Variants in SLC4A4 observed in about 807,000 individuals in gnomAD.
The protein encoded by SLC4A4 is solute carrier family 4 member 4.
A neutral mutation model predicts 111.5 loss-of-function variants in SLC4A4; 27 were observed. The ratio of observed to expected loss-of-function variants is 0.24; its 90% CI spans 0.18 to 0.33. The LOEUF (loss-of-function observed/expected upper bound fraction) is 0.33, where lower values mean the gene tolerates loss of function less well. Ranked by LOEUF, SLC4A4 falls within the 10% of genes least tolerant of loss-of-function variation. SLC4A4 has a pLI of 1.00. For synonymous variants in SLC4A4, 443 were observed against 463.4 expected (o/e 0.96, Z 0.57); for missense variants, 909 against 1,315.5 (o/e 0.69, Z 4.78).
intron 11 of SLC4A4, among the ~76,000 whole-genome samples, chr4:71,452,345 A>G (rs532566296): frequency 1.3e-5 from 2 of 152,104 alleles, no homozygotes; most frequent in Non-Finnish European, 2.9e-5. Context: ...TTTTTTACAG[A>G]CATGAGTTCT....
intron 6 of SLC4A4, among the ~76,000 whole-genome samples, chr4:71,370,033 G>A (rs1195031504): frequency 1.3e-5 from 2 of 152,140 alleles, no homozygotes; most frequent in East Asian, 3.8e-4. Flanking sequence ...TAAAGGAAAA[G>A]TATGAGTTTG....
At chr4:71,355,557 A>G (rs1265626878) in intron 5 of SLC4A4, among the ~76,000 whole-genome samples, 1 of 152,224 alleles carries the variant, frequency 6.6e-6, no homozygotes, top group Non-Finnish European at 1.5e-5. Flanking sequence ...CTCCCTACCA[A>G]GTGGTCCCAT....
At chr4:71,481,520 G>T (rs1424663952) in intron 14 of SLC4A4, among the ~76,000 whole-genome samples, 1 of 151,626 alleles carries the variant, frequency 6.6e-6, no homozygotes, top group East Asian at 2.0e-4. Context: ...TCCCACAACT[G>T]CAGCCATACT....
At chr4:71,265,617 T>C (rs1226737671) in intron 3 of SLC4A4, among the ~76,000 whole-genome samples, 3 of 152,286 alleles carry the variant, frequency 2.0e-5, no homozygotes, top group Non-Finnish European at 4.4e-5. Flanking sequence ...TATAACTTAA[T>C]AGGACCAGCT....
intron 2 of SLC4A4, among the ~76,000 whole-genome samples, chr4:71,144,854 C>T (rs1485528444): frequency 6.6e-5 from 10 of 152,062 alleles, no homozygotes; most frequent in Non-Finnish European, 1.2e-4. Flanking sequence ...TGGACTGAGA[C>T]GATGGGGTTT....
chr4:71,452,114 G>T (rs1725821507), intron 11 of SLC4A4, among the ~76,000 whole-genome samples: 1 of 151,460 alleles, frequency 6.6e-6, no homozygotes, highest in Non-Finnish European at 1.5e-5. Context: ...TTTTTAACAT[G>T]AAAAGGTATG....
At chr4:71,311,528 G>A (rs1392903185) in intron 3 of SLC4A4, among the ~76,000 whole-genome samples, 4 of 152,062 alleles carry the variant, frequency 2.6e-5, no homozygotes, top group Non-Finnish European at 5.9e-5. Flanking sequence ...AACTCAGGAT[G>A]AAGAAACTCA....
intron 2 of SLC4A4, among the ~76,000 whole-genome samples, chr4:71,111,117 A>C (rs1743073109): frequency 6.6e-6 from 1 of 152,126 alleles, no homozygotes; most frequent in Admixed American, 6.6e-5. Flanking sequence ...AAATTATTTA[A>C]TCTCATGAAC....
chr4:71,351,797 T>C (rs1433745685), intron 5 of SLC4A4, among the ~76,000 whole-genome samples: 2 of 152,240 alleles, frequency 1.3e-5, no homozygotes, highest in Non-Finnish European at 2.9e-5. Context: ...CATGGGCTTC[T>C]ACAATGTGCC....
chr4:71,228,023 C>T (rs1038544747), intron 1 of SLC4A4, among the ~76,000 whole-genome samples: 16 of 152,136 alleles, frequency 1.1e-4, no homozygotes, highest in African/African-American at 3.6e-4. Context: ...TATTAAGGAG[C>T]ATGTGAGTGT....
chr4:71,322,441 A>G lies in SLC4A4; in HGVS notation c.254-16929A>G, dbSNP rs28453170. ...GCATTAGTGTGGCGCTTGTGACAGTAATATTGGAGCTATATATTTAGCTAC... is the reference window on the plus strand; with the variant it reads ...GCATTAGTGTGGCGCTTGTGACAGTGATATTGGAGCTATATATTTAGCTAC... On this transcript the variant is annotated intron_variant, in intron 3 of 25. Transcript: ENST00000264485. 4.3e-3 allele frequency among the ~76,000 whole-genome samples: 656 copies of G among 152,120 alleles called. 7 individuals carry two copies. Among genetic ancestry groups the G allele is most frequent in the Middle Eastern group, 0.017 (5 of 294 alleles).
rs140395237 is a variant in SLC4A4 at position 71,325,110 on chromosome 4, C to CT, written c.254-14259dup. Reference sequence around the variant, plus strand: ...AATTTGAAAGAGAAAAAGTAACTGTCTAATTTACTTGTCTATAGCTTGCTA... The same window carrying CT: ...AATTTGAAAGAGAAAAAGTAACTGTCTTAATTTACTTGTCTATAGCTTGCTA... On this transcript the variant is annotated intron_variant, in intron 3 of 25. Transcript: ENST00000264485. 2.0e-3 allele frequency among the ~76,000 whole-genome samples: 297 copies of CT among 151,958 alleles called. 1 individual carries two copies. Among genetic ancestry groups the CT allele is most frequent in the African/African-American group, 6.8e-3 (281 of 41,502 alleles).
chr4:71,291,029 C>T (rs1724305866), intron 3 of SLC4A4, among the ~76,000 whole-genome samples: 1 of 152,292 alleles, frequency 6.6e-6, no homozygotes, highest in African/African-American at 2.4e-5. Flanking sequence ...TTGGTCAAGA[C>T]AGAATCAAAG....
intron 9 of SLC4A4, 32 bp from the exon 10 acceptor site, chr4:71,450,357 T>G (rs1725648796): frequency 3.9e-6 from 6 of 1,545,706 alleles, no homozygotes; most frequent in Non-Finnish European, 5.4e-6. Context: ...GAGTTATCTT[T>G]TTGGATGAGC....
rs1736834753 is a variant in SLC4A4, at chr4:71,560,120, G to T, written c.2965G>T (p.Gly989Cys). 2 of 1,610,902 alleles carry T rather than the reference G, an allele frequency of 1.2e-6. No individual in the cohort carries two copies. Among genetic ancestry groups the T allele is most frequent in the South Asian group, 2.2e-5 (2 of 91,020 alleles). Residue 989 changes from glycine (G) to cysteine (C), a missense_variant, in exon 23 of 26, where the codon GGC (glycine) becomes TGC (cysteine). Around this residue, in one of 7 missense-constraint regions of SLC4A4, gnomAD observed 104 missense variants for 219.5 expected, o/e 0.47. Coordinates refer to ENST00000264485, the MANE Select transcript of SLC4A4 (RefSeq NM_001098484.3). ...MILALVAVRK[G>C]MDYLFSQHDL... is the part of the protein sequence containing the mutation. ...CTTGGCACTTGTAGCTGTCAGAAAAGGCATGGACTACCTCTTCTCCCAGCA... is the reference window on the plus strand; with the variant it reads ...CTTGGCACTTGTAGCTGTCAGAAAATGCATGGACTACCTCTTCTCCCAGCA...
At chr4:71,120,754 G>A (rs1325015111) in intron 2 of SLC4A4, among the ~76,000 whole-genome samples, 1 of 152,206 alleles carries the variant, frequency 6.6e-6, no homozygotes, top group Non-Finnish European at 1.5e-5. Context: ...TGTAATCCCA[G>A]TGAGAGGTGA....
intron 3 of SLC4A4, among the ~76,000 whole-genome samples, chr4:71,279,383 C>T (rs1194812889): frequency 6.6e-6 from 1 of 152,068 alleles, no homozygotes; most frequent in East Asian, 1.9e-4. Context: ...ACATAATATC[C>T]TCCATGTTCA....
At chr4:71,142,284 A>G (rs1224893339) in intron 2 of SLC4A4, among the ~76,000 whole-genome samples, 1 of 152,226 alleles carries the variant, frequency 6.6e-6, no homozygotes, top group Non-Finnish European at 1.5e-5. Context: ...AAACTAACAC[A>G]AACATATTAA....
intron 6 of SLC4A4, among the ~76,000 whole-genome samples, chr4:71,376,112 CGTTT>C (rs1560452761): frequency 8.1e-6 from 1 of 124,090 alleles, no homozygotes; most frequent in East Asian, 2.4e-4. Context: ...TATATATATA[CGTTT>C]GTGTATATAT....
Sources: allele counts gnomAD v4.1 joint callset (sites outside exome capture counted in the v4.1 genomes callset), GRCh38; gene constraint gnomAD v4.1.1; regional missense constraint gnomAD v4.1.1; transcripts MANE v1.5; gene names NCBI Gene and HGNC (gene_info 2026-07-23, HGNC 2026-07-21).